The following ADAMTS19 variants were observed in gnomAD, a reference collection of about 807,000 sequenced individuals.
ADAMTS19 encodes the protein A disintegrin and metalloproteinase with thrombospondin motifs 19.
Under a neutral mutation model 153.3 loss-of-function variants are expected in ADAMTS19, and 93 were observed. The observed-to-expected ratio is 0.61, with a 90% confidence interval of 0.51 to 0.72. ADAMTS19 has a LOEUF of 0.72. Among genes scored for constraint, ADAMTS19 ranks in the 30% least tolerant of loss-of-function variants. The pLI, the probability that ADAMTS19 is intolerant of heterozygous loss-of-function variation, is 0.00. For missense variants in ADAMTS19, 1,482 were observed against 1,552.1 expected (o/e 0.95, Z 0.76); for synonymous variants, 600 against 556.6 (o/e 1.08, Z -1.10).
chr5:129,593,116 G>C (rs1030144143), intron 7 of ADAMTS19, among the ~76,000 whole-genome samples: 1 of 151,976 alleles, frequency 6.6e-6, no homozygotes, highest in African/African-American at 2.4e-5. Flanking sequence ...CTGTATCATA[G>C]GGCTGGAACA....
At chr5:129,674,217 G>A (rs1046831034) in intron 16 of ADAMTS19, among the ~76,000 whole-genome samples, 11 of 119,228 alleles carry the variant, frequency 9.2e-5, no homozygotes, top group Non-Finnish European at 2.0e-4. Flanking sequence ...GGCAACAAGA[G>A]CGAAACTCCA....
intron 2 of ADAMTS19, among the ~76,000 whole-genome samples, chr5:129,495,943 G>T (rs1327336303): frequency 6.6e-6 from 1 of 152,026 alleles, no homozygotes; most frequent in Middle Eastern, 3.2e-3. Context: ...GTTCTCACTG[G>T]TGGGATATGT....
chr5:129,549,993 T>A (rs1753021214), intron 6 of ADAMTS19, among the ~76,000 whole-genome samples: 1 of 118,834 alleles, frequency 8.4e-6, no homozygotes, highest in Admixed American at 8.7e-5. Flanking sequence ...TATCTGTATA[T>A]GTATCTAGAT....
Position 129,737,076 on chromosome 5 carries a change from C to G in ADAMTS19, c.3500C>G (p.Thr1167Ser), listed in dbSNP as rs1766378757. The G allele has an allele frequency of 6.3e-7, 1 of 1,589,398 alleles. No individual in the cohort carries two copies. The highest frequency in any genetic ancestry group is 1.7e-5 in the Admixed American group (1 of 58,340). ...ATGTTCTGTTTCACAGCTGCTCTGA[C>G]TTTCAAGTGCCTGGGAGATCAGTGG... ...TITSPRLAAL[T>S]FKCLGDQWPV... The change falls in exon 23 of 23, where the codon ACT becomes AGT. Residue 1167 changes from threonine (T) to serine (S), a missense_variant. Thr to Ser is a moderately conservative substitution (Grantham distance 58, BLOSUM62 1). Around this residue, in one of 2 missense-constraint regions of ADAMTS19, gnomAD observed 616 missense variants for 724.4 expected, o/e 0.85. Transcript: ENST00000274487.
intron 16 of ADAMTS19, among the ~76,000 whole-genome samples, chr5:129,675,827 G>C (rs1754524963): frequency 1.3e-5 from 2 of 152,066 alleles, no homozygotes; most frequent in Admixed American, 1.3e-4. Flanking sequence ...TTGAGGTCAG[G>C]AGTTCAGCCT....
chr5:129,509,040 A>G (rs1561543954), intron 2 of ADAMTS19, 37 bp from the exon 3 acceptor site: 8 of 1,473,840 alleles, frequency 5.4e-6, no homozygotes, highest in Non-Finnish European at 6.4e-6. Flanking sequence ...TTTTCAAATG[A>G]TATTTCTTAC....
chr5:129,475,542 G>T (rs1750197234), intron 2 of ADAMTS19, among the ~76,000 whole-genome samples: 1 of 152,210 alleles, frequency 6.6e-6, no homozygotes, highest in African/African-American at 2.4e-5. Flanking sequence ...TTTCAAAATT[G>T]TTGTGGCCTG....
At chr5:129,507,549 A>G (rs73242263) in intron 2 of ADAMTS19, among the ~76,000 whole-genome samples, 7,647 of 152,128 alleles carry the variant, frequency 0.05, 258 homozygotes, top group African/African-American at 0.092. Flanking sequence ...TTGAAGGCAT[A>G]TTAAAATTAT....
chr5:129,633,828 G>C (rs1363174268), intron 10 of ADAMTS19, among the ~76,000 whole-genome samples: 1 of 152,026 alleles, frequency 6.6e-6, no homozygotes. Flanking sequence ...TGTATGTATG[G>C]GTCAGTTGCC....
chr5:129,535,649 T>C (rs1238345716), intron 6 of ADAMTS19, among the ~76,000 whole-genome samples: 1 of 152,198 alleles, frequency 6.6e-6, no homozygotes, highest in Non-Finnish European at 1.5e-5. Context: ...TCACGCTAGC[T>C]GACTTCAAAC....
rs559788826 is a variant in ADAMTS19 at position 129,492,651 on chromosome 5, A to G, written c.748-16426A>G. Among the ~76,000 whole-genome samples, 4 of 152,252 alleles carry G rather than the reference A, an allele frequency of 2.6e-5. No individual in the cohort carries two copies. In the South Asian group the frequency reaches 8.3e-4, roughly 32 times the overall value. ...CTTGCTTATGTTTTCATTACCTATA[A>G]TCACTATTTGAATTTTGCTATACTG... On this transcript the variant is annotated intron_variant, in intron 2 of 22. Coordinates refer to ENST00000274487, the MANE Select transcript of ADAMTS19 (RefSeq NM_133638.6).
intron 6 of ADAMTS19, among the ~76,000 whole-genome samples, chr5:129,529,071 C>T (rs779635605): frequency 5.9e-5 from 9 of 151,964 alleles, no homozygotes; most frequent in African/African-American, 1.9e-4. Flanking sequence ...AACTTTCTGG[C>T]TCCATGTGAG....
chr5:129,537,550 G>T (rs1446636690), intron 6 of ADAMTS19, among the ~76,000 whole-genome samples: 1 of 151,592 alleles, frequency 6.6e-6, no homozygotes, highest in Non-Finnish European at 1.5e-5. Context: ...TGATAGACTG[G>T]ATTAAGAAAA....
intron 10 of ADAMTS19, among the ~76,000 whole-genome samples, chr5:129,633,847 A>T (rs573973420): frequency 6.6e-6 from 1 of 152,028 alleles, no homozygotes; most frequent in South Asian, 2.1e-4. Context: ...CCAAGGGGAG[A>T]CTTAAGCTCT....
At chr5:129,604,798 T>C (rs771098105) in intron 8 of ADAMTS19, among the ~76,000 whole-genome samples, 2 of 152,200 alleles carry the variant, frequency 1.3e-5, no homozygotes, top group Non-Finnish European at 2.9e-5. Flanking sequence ...AACAATATTC[T>C]GTATTTTGAA....
At chr5:129,609,381 C>A (rs747846968) in intron 8 of ADAMTS19, among the ~76,000 whole-genome samples, 1 of 152,114 alleles carries the variant, frequency 6.6e-6, no homozygotes, top group African/African-American at 2.4e-5. Flanking sequence ...ATGATTGGCA[C>A]AAAATACAGA....
chr5:129,469,982 A>T (rs1254382664), intron 2 of ADAMTS19, among the ~76,000 whole-genome samples: 1 of 152,240 alleles, frequency 6.6e-6, no homozygotes, highest in Non-Finnish European at 1.5e-5. Context: ...TACATAGTGA[A>T]TAAACAGAAT....
chr5:129,550,902 A>G (rs1169509560), intron 6 of ADAMTS19, among the ~76,000 whole-genome samples: 1 of 151,720 alleles, frequency 6.6e-6, no homozygotes, highest in African/African-American at 2.4e-5. Flanking sequence ...ATACACTAAT[A>G]GCAGCAATAA....
At chr5:129,641,809 A>G (rs1350899024) in intron 10 of ADAMTS19, 50 bp from the exon 11 acceptor site, 1 of 1,246,730 alleles carries the variant, frequency 8.0e-7, no homozygotes, top group South Asian at 1.4e-5. Context: ...GGCTTCACTT[A>G]AAAAAATGTG....
Sources: allele counts gnomAD v4.1 joint callset (sites outside exome capture counted in the v4.1 genomes callset), GRCh38; gene constraint gnomAD v4.1.1; regional missense constraint gnomAD v4.1.1; transcripts MANE v1.5; gene names NCBI Gene and HGNC (gene_info 2026-07-23, HGNC 2026-07-21).